The following EPHA5 variants were observed in gnomAD, a reference collection of about 807,000 sequenced individuals.
EPHA5 encodes the protein EPH receptor A5, also known as ephrin type-A receptor 5.
In EPHA5, 60 loss-of-function variants were observed where a neutral mutation model predicts 105.0. The ratio of observed to expected loss-of-function variants is 0.57; its 90% CI spans 0.46 to 0.71. The LOEUF is 0.71. Ranked by LOEUF, EPHA5 falls within the 30% of genes least tolerant of loss-of-function variation. EPHA5 has a pLI of 0.00. For missense variants in EPHA5, 1,218 were observed against 1,274.7 expected (o/e 0.96, Z 0.68); for synonymous variants, 513 against 449.1 (o/e 1.14, Z -1.80).
At position 65,669,680 on chromosome 4, in the gene EPHA5, G is replaced by A. The variant is rs2149571805; in HGVS notation, c.63C>T (p.Thr21=). 3 of 1,330,876 alleles carry A rather than the reference G, an allele frequency of 2.3e-6. No homozygotes were observed. Among genetic ancestry groups the A allele is most frequent in the Middle Eastern group, 2.4e-4 (1 of 4,216 alleles). 82.4% of individuals were successfully genotyped at this position (1,330,876 alleles called of 1,614,324 possible). A position where few individuals can be genotyped will look rare whatever the true frequency, so the allele number is the denominator to read the frequency against. ...CGGCCAGGGACGCTGGGGTGATGGG[G>A]GTGTCGCCGCCGCCGCTTGGGGGCC... ...RRRPPSGGGD[T]PITPASLAGC... The change falls in exon 1 of 17, where the codon ACC becomes ACT. Residue 21 remains threonine, a synonymous_variant. Transcript: ENST00000613740.
intron 2 of EPHA5, among the ~76,000 whole-genome samples, chr4:65,632,852 G>T (rs1746776148): frequency 6.6e-6 from 1 of 151,954 alleles, no homozygotes; most frequent in African/African-American, 2.4e-5. Flanking sequence ...AACTTGAGCT[G>T]TACCTTGAAA....
intron 5 of EPHA5, among the ~76,000 whole-genome samples, chr4:65,434,150 T>G (rs1443506207): frequency 6.6e-6 from 1 of 152,194 alleles, no homozygotes; most frequent in Admixed American, 6.5e-5. Flanking sequence ...CTCTCTTATA[T>G]TAATATAATC....
chr4:65,412,458 G>A (rs1393169907), intron 7 of EPHA5, among the ~76,000 whole-genome samples: 1 of 151,906 alleles, frequency 6.6e-6, no homozygotes, highest in Non-Finnish European at 1.5e-5. Flanking sequence ...GATCAAAAGG[G>A]AATTGATATC....
intron 3 of EPHA5, among the ~76,000 whole-genome samples, chr4:65,517,740 T>C (rs1485680540): frequency 6.6e-6 from 1 of 151,912 alleles, no homozygotes; most frequent in Non-Finnish European, 1.5e-5. Context: ...AACGTTTTCT[T>C]TTTGCCTATA....
At chr4:65,378,544 A>G (rs1393863149) in intron 8 of EPHA5, among the ~76,000 whole-genome samples, 2 of 151,946 alleles carry the variant, frequency 1.3e-5, no homozygotes, top group African/African-American at 2.4e-5. Flanking sequence ...CTACAGAGCA[A>G]GGGCCAAATC....
At chr4:65,595,003 G>A (rs1198042446) in intron 3 of EPHA5, among the ~76,000 whole-genome samples, 1 of 151,984 alleles carries the variant, frequency 6.6e-6, no homozygotes, top group African/African-American at 2.4e-5. Context: ...TTTTTAAAGT[G>A]TAATTTTAGA....
At chr4:65,648,338 G>T (rs1748308189) in intron 1 of EPHA5, among the ~76,000 whole-genome samples, 1 of 152,110 alleles carries the variant, frequency 6.6e-6, no homozygotes, top group African/African-American at 2.4e-5. Context: ...GTCACTATGA[G>T]CAGGAAAATG....
At chr4:65,554,994 A>C (rs1738278475) in intron 3 of EPHA5, among the ~76,000 whole-genome samples, 2 of 36,044 alleles carry the variant, frequency 5.5e-5, no homozygotes, top group South Asian at 6.0e-4. Context: ...AAAAAAAAAA[A>C]AAAAAAAAAA....
chr4:65,412,518 A>C (rs1386776782), intron 7 of EPHA5, among the ~76,000 whole-genome samples: 2 of 152,186 alleles, frequency 1.3e-5, no homozygotes, highest in Non-Finnish European at 2.9e-5. Flanking sequence ...AAAGTTTTTA[A>C]ATATATTTGC....
At chr4:65,504,459 T>C (rs192812835) in intron 3 of EPHA5, among the ~76,000 whole-genome samples, 25 of 151,840 alleles carry the variant, frequency 1.6e-4, no homozygotes, top group Admixed American at 1.5e-3. Context: ...TTGATTGTTA[T>C]ACATTTCTAA....
chr4:65,443,198 C>T (rs1314157860), intron 5 of EPHA5, among the ~76,000 whole-genome samples: 5 of 151,996 alleles, frequency 3.3e-5, no homozygotes, highest in Non-Finnish European at 7.4e-5. Flanking sequence ...CATTGTACTT[C>T]ATAGATGTTT....
At chr4:65,573,987 A>G in intron 3 of EPHA5, 1 of 1,593,394 alleles carries the variant, frequency 6.3e-7, no homozygotes, top group Non-Finnish European at 8.6e-7. Flanking sequence ...ATTACTTGTG[A>G]CTGGACCTCT....
At chr4:65,424,507 G>T (rs1337467961) in intron 5 of EPHA5, among the ~76,000 whole-genome samples, 2 of 152,066 alleles carry the variant, frequency 1.3e-5, no homozygotes, top group Middle Eastern at 3.4e-3. Context: ...TTATTCTTCA[G>T]GTACAATGTC....
chr4:65,374,535 A>G (rs1718798314), intron 8 of EPHA5, among the ~76,000 whole-genome samples: 1 of 151,984 alleles, frequency 6.6e-6, no homozygotes, highest in Admixed American at 6.6e-5. Flanking sequence ...AAGTGTCAGC[A>G]CATTGGAATT....
chr4:65,544,587 G>A (rs1442913054), intron 3 of EPHA5, among the ~76,000 whole-genome samples: 1 of 151,922 alleles, frequency 6.6e-6, no homozygotes, highest in Admixed American at 6.6e-5. Context: ...GCAGATGCTG[G>A]CATGGCTATG....
chr4:65,619,562 TAAA>T (rs1287972349), intron 2 of EPHA5, among the ~76,000 whole-genome samples: 1 of 152,156 alleles, frequency 6.6e-6, no homozygotes, highest in Non-Finnish European at 1.5e-5. Context: ...AGCATGGTTT[TAAA>T]AAAGTATCAC....
intron 2 of EPHA5, among the ~76,000 whole-genome samples, chr4:65,609,731 G>A (rs1264805614): frequency 6.7e-6 from 1 of 149,552 alleles, no homozygotes; most frequent in Non-Finnish European, 1.5e-5. Flanking sequence ...TTATCCAAGT[G>A]CAGAAGCAAT....
intron 2 of EPHA5, among the ~76,000 whole-genome samples, chr4:65,607,820 TC>T: frequency 6.6e-6 from 1 of 152,258 alleles, no homozygotes. Flanking sequence ...GACCCAGCAA[TC>T]CCATTACTGG....
At chr4:65,634,745 CT>C (rs528762902) in intron 2 of EPHA5, among the ~76,000 whole-genome samples, 1,862 of 151,834 alleles carry the variant, frequency 0.012, 12 homozygotes, top group Middle Eastern at 0.02. Flanking sequence ...CTAATGTGCT[CT>C]TTTTTTTACC....
Sources: allele counts gnomAD v4.1 joint callset (sites outside exome capture counted in the v4.1 genomes callset), GRCh38; gene constraint gnomAD v4.1.1; transcripts MANE v1.5; gene names NCBI Gene and HGNC (gene_info 2026-07-23, HGNC 2026-07-21).